The following MTHFD1L variants were observed in gnomAD, a reference collection of about 807,000 sequenced individuals.
MTHFD1L encodes methylenetetrahydrofolate dehydrogenase (NADP+ dependent) 1 like.
Under a neutral mutation model 119.5 loss-of-function variants are expected in MTHFD1L, and 81 were observed. The observed-to-expected ratio is 0.68, with a 90% confidence interval of 0.57 to 0.82. MTHFD1L has a LOEUF of 0.82. MTHFD1L is among the 40% of genes least tolerant of loss of function. The pLI, the probability that MTHFD1L is intolerant of heterozygous loss-of-function variation, is 0.00. For synonymous variants in MTHFD1L, 430 were observed against 475.2 expected, an observed-to-expected ratio of 0.90 and a Z score of 1.24; for missense variants, 1,125 against 1,253.4, an observed-to-expected ratio of 0.90 and a Z score of 1.55.
intron 15 of MTHFD1L, among the ~76,000 whole-genome samples, 199 bp from the exon 16 acceptor site, chr6:150,948,832 G>C (rs1362776130): frequency 6.8e-6 from 1 of 147,480 alleles, no homozygotes; most frequent in Non-Finnish European, 1.5e-5. Flanking sequence ...GTAGAGATGG[G>C]GTTTCTCCAT....
At chr6:150,909,250 G>A (rs1453968983) in intron 8 of MTHFD1L, among the ~76,000 whole-genome samples, 1 of 149,694 alleles carries the variant, frequency 6.7e-6, no homozygotes, top group Non-Finnish European at 1.5e-5. Flanking sequence ...TTTTCTAGCT[G>A]TAAGAGTAAC....
rs761606804 is a variant in MTHFD1L, at chr6:151,015,417, C to T, written c.2409-99C>T. On this transcript the variant is annotated intron_variant, in intron 23 of 27. Coordinates refer to ENST00000367321, the MANE Select transcript of MTHFD1L (RefSeq NM_015440.5). ...CCACTTTTGATGTTTAAAATGTATT[C>T]AGTGTTAGGGAGCGAAGTTCTGTAT... is the stretch of plus-strand genomic sequence containing the variant. 3.6e-5 allele frequency: 46 copies of T among 1,288,702 alleles called. No individual in the cohort carries two copies. In the African/African-American group the frequency reaches 5.4e-4, roughly 15 times the overall value. 79.8% of individuals were successfully genotyped at this position (1,288,702 alleles called of 1,614,324 possible).
intron 24 of MTHFD1L, among the ~76,000 whole-genome samples, chr6:151,025,784 T>C (rs1784534022): frequency 6.6e-6 from 1 of 152,144 alleles, no homozygotes; most frequent in Non-Finnish European, 1.5e-5. Context: ...GCTGAAGAAA[T>C]GGCAGTGTGT....
chr6:151,100,396 T>C (rs1198916878), intron 27 of MTHFD1L, among the ~76,000 whole-genome samples: 1 of 152,154 alleles, frequency 6.6e-6, no homozygotes, highest in Non-Finnish European at 1.5e-5. Context: ...AGGGGAGTAT[T>C]TGAAGCTCCT....
chr6:151,069,251 T>TTCTCTCTCTCTCTCTCTCTCTCTCTCTC (rs371324778), intron 26 of MTHFD1L, among the ~76,000 whole-genome samples: 5 of 136,680 alleles, frequency 3.7e-5, no homozygotes, highest in African/African-American at 1.4e-4. Context: ...TTCTCTCTCT[T>TTCTCTCTCTCTCTCTCTCTCTCTCTCTC]TCTCTCTCTC....
At chr6:150,866,209 T>G in intron 1 of MTHFD1L, 160 bp downstream of exon 1, 1 of 1,368,404 alleles carries the variant, frequency 7.3e-7, no homozygotes, top group Non-Finnish European at 9.5e-7. Context: ...AACGCGGGCT[T>G]GGGCACTGCG....
chr6:150,941,560 G>A (rs188039738), intron 13 of MTHFD1L, among the ~76,000 whole-genome samples: 1 of 152,288 alleles, frequency 6.6e-6, no homozygotes, highest in Admixed American at 6.5e-5. Flanking sequence ...GGCCCAGGAT[G>A]GGGGCAGTGA....
intron 10 of MTHFD1L, among the ~76,000 whole-genome samples, chr6:150,922,641 C>G (rs1019134278): frequency 1.1e-5 from 1 of 89,886 alleles, no homozygotes; most frequent in Non-Finnish European, 1.9e-5. Flanking sequence ...GTTTTCCCCC[C>G]CCACCCTTTT....
At chr6:151,078,413 G>A (rs2128629415) in intron 26 of MTHFD1L, among the ~76,000 whole-genome samples, 1 of 152,280 alleles carries the variant, frequency 6.6e-6, no homozygotes, top group East Asian at 1.9e-4. Context: ...TTTTTCTGCT[G>A]CATAACAAAT....
At chr6:151,047,370 G>A (rs1226536900) in intron 26 of MTHFD1L, among the ~76,000 whole-genome samples, 1 of 152,140 alleles carries the variant, frequency 6.6e-6, no homozygotes, top group Non-Finnish European at 1.5e-5. Flanking sequence ...AATTACATCA[G>A]GCTATACTCA....
chr6:150,972,651 C>A (rs1256968069), intron 20 of MTHFD1L, among the ~76,000 whole-genome samples: 1 of 152,212 alleles, frequency 6.6e-6, no homozygotes, highest in African/African-American at 2.4e-5. Flanking sequence ...TTAGCCCCTG[C>A]TCCTGTGGAG....
chr6:151,046,576 A>G (rs62441039), intron 26 of MTHFD1L, among the ~76,000 whole-genome samples: 1 of 146,152 alleles, frequency 6.8e-6, no homozygotes. Context: ...CATTTTTCGT[A>G]TGGATTCATA....
At chr6:150,940,475 A>G (rs979606434) in intron 13 of MTHFD1L, among the ~76,000 whole-genome samples, 2 of 152,206 alleles carry the variant, frequency 1.3e-5, no homozygotes, top group African/African-American at 4.8e-5. Context: ...CAAGGGGCAT[A>G]CACAGGGGAA....
intron 27 of MTHFD1L, among the ~76,000 whole-genome samples, chr6:151,096,804 C>T (rs776100580): frequency 8.5e-5 from 13 of 152,174 alleles, no homozygotes; most frequent in African/African-American, 1.4e-4. Context: ...TTCCCTTCCT[C>T]ACCTTTCTAG....
At chr6:151,100,043 T>G (rs1478458786) in intron 27 of MTHFD1L, 5 of 664,920 alleles carry the variant, frequency 7.5e-6, no homozygotes, top group Non-Finnish European at 1.3e-5. Flanking sequence ...TCTTTTTTTT[T>G]TTTTTTTTGA....
At chr6:151,072,023 A>T (rs1165839880) in intron 26 of MTHFD1L, among the ~76,000 whole-genome samples, 1 of 151,880 alleles carries the variant, frequency 6.6e-6, no homozygotes, top group African/African-American at 2.4e-5. Flanking sequence ...TTGTATTTTT[A>T]GTAGAGATGG....
At chr6:150,935,485 T>C (rs1286122439) in intron 11 of MTHFD1L, 67 of 1,602,060 alleles carry the variant, frequency 4.2e-5, no homozygotes, top group Non-Finnish European at 4.9e-5. Flanking sequence ...TCATAGGAGA[T>C]GGCCTAAAGG....
chr6:150,957,352 C>G (rs1185777388), intron 17 of MTHFD1L, among the ~76,000 whole-genome samples: 2 of 152,064 alleles, frequency 1.3e-5, no homozygotes, highest in Non-Finnish European at 1.5e-5. Context: ...AGGAGCTTGT[C>G]AAGTGAAAAT....
intron 26 of MTHFD1L, among the ~76,000 whole-genome samples, chr6:151,072,219 GTAAAT>G (rs1792028403): frequency 6.6e-6 from 1 of 152,004 alleles, no homozygotes; most frequent in Admixed American, 6.6e-5. Flanking sequence ...TTACACATTA[GTAAAT>G]GAATGAAATT....
Sources: allele counts gnomAD v4.1 joint callset (sites outside exome capture counted in the v4.1 genomes callset), GRCh38; gene constraint gnomAD v4.1.1; transcripts MANE v1.5; gene names NCBI Gene and HGNC (gene_info 2026-07-23, HGNC 2026-07-21).